The following GALNTL6 variants were observed in gnomAD, a reference collection of about 807,000 sequenced individuals.
GALNTL6 encodes polypeptide N-acetylgalactosaminyltransferase-like 6.
A neutral mutation model predicts 73.7 loss-of-function variants in GALNTL6; 46 were observed. The observed-to-expected ratio is 0.62, with a 90% CI of 0.49 to 0.80. The LOEUF (loss-of-function observed/expected upper bound fraction) is 0.80. Ranked by LOEUF, GALNTL6 falls within the 30% of genes least tolerant of loss-of-function variation. The probability of loss-of-function intolerance (pLI) is 0.00; values close to 1 mark genes in which losing one functional copy is unlikely to be tolerated. For synonymous variants in GALNTL6, 259 were observed against 263.7 expected (o/e 0.98, Z 0.17); for missense variants, 604 against 755.0 (o/e 0.80, Z 2.34).
At chr4:172,442,708 ATAT>A (rs1731876223) in intron 5 of GALNTL6, among the ~76,000 whole-genome samples, 2 of 152,158 alleles carry the variant, frequency 1.3e-5, no homozygotes, top group Non-Finnish European at 2.9e-5. Flanking sequence ...AGTTACCGAT[ATAT>A]TTCAAGGCTT....
chr4:172,565,360 T>C (rs1362522894), intron 5 of GALNTL6, among the ~76,000 whole-genome samples: 1 of 152,240 alleles, frequency 6.6e-6, no homozygotes, highest in Non-Finnish European at 1.5e-5. Flanking sequence ...GATGATCATG[T>C]GATTTTTATC....
Position 171,995,762 on chromosome 4 carries a change from G to C in GALNTL6, c.138+181044G>C, listed in dbSNP as rs145344700. ...TACTTTTATGATAAAAAATAGAACT[G>C]TAACAATAGAAGCTAAATGATTCAT... On this transcript the variant is annotated intron_variant, in intron 2 of 12. Coordinates refer to ENST00000506823, the MANE Select transcript of GALNTL6 (RefSeq NM_001034845.3). 2.1e-4 allele frequency among the ~76,000 whole-genome samples: 32 copies of C among 152,004 alleles called. No individual in the cohort carries two copies. In the East Asian group the frequency reaches 6.0e-3, roughly 28 times the overall value.
At chr4:172,016,208 G>C (rs113784028) in intron 2 of GALNTL6, among the ~76,000 whole-genome samples, 2,189 of 151,782 alleles carry the variant, frequency 0.014, 40 homozygotes, top group African/African-American at 0.049. Context: ...ATTATTCTTA[G>C]GTTTGGCCAC....
chr4:171,855,177 T>C (rs1337063696), intron 2 of GALNTL6, among the ~76,000 whole-genome samples: 1 of 152,238 alleles, frequency 6.6e-6, no homozygotes, highest in Non-Finnish European at 1.5e-5. Context: ...GTAGAATCTA[T>C]GGGTTTTGGA....
intron 2 of GALNTL6, among the ~76,000 whole-genome samples, chr4:172,151,823 G>A (rs1176214625): frequency 6.6e-6 from 1 of 151,772 alleles, no homozygotes; most frequent in African/African-American, 2.4e-5. Context: ...ACACTTCATG[G>A]GGGACGGCTG....
chr4:172,707,362 T>A (rs1449823329), intron 5 of GALNTL6, among the ~76,000 whole-genome samples: 1 of 152,216 alleles, frequency 6.6e-6, no homozygotes, highest in Non-Finnish European at 1.5e-5. Flanking sequence ...GTCAGATAGA[T>A]CTGCCCTATT....
At chr4:172,862,433 A>G (rs62340321) in intron 7 of GALNTL6, among the ~76,000 whole-genome samples, 17,211 of 152,206 alleles carry the variant, frequency 0.11, 1,365 homozygotes, top group East Asian at 0.3. Context: ...CAGCCTGACA[A>G]TGGGATAGAA....
chr4:171,950,000 C>T (rs1738824166), intron 2 of GALNTL6, among the ~76,000 whole-genome samples: 1 of 152,120 alleles, frequency 6.6e-6, no homozygotes, highest in Admixed American at 6.5e-5. Context: ...AAATGCCATC[C>T]AGTAGAACCA....
intron 7 of GALNTL6, among the ~76,000 whole-genome samples, chr4:172,850,272 A>G (rs1438648537): frequency 2.0e-5 from 3 of 152,140 alleles, no homozygotes; most frequent in African/African-American, 4.8e-5. Flanking sequence ...GAAAATAACA[A>G]TTGGCCACAG....
intron 2 of GALNTL6, among the ~76,000 whole-genome samples, chr4:172,180,355 C>T (rs1010611550): frequency 6.6e-6 from 1 of 151,640 alleles, no homozygotes; most frequent in African/African-American, 2.4e-5. Context: ...AGCCCTTTCT[C>T]AGATGGATAG....
intron 5 of GALNTL6, among the ~76,000 whole-genome samples, chr4:172,718,652 A>G (rs1283686803): frequency 1.3e-5 from 2 of 152,194 alleles, no homozygotes; most frequent in South Asian, 2.1e-4. Context: ...AAACAAAAAA[A>G]AAATCATCTG....
intron 2 of GALNTL6, among the ~76,000 whole-genome samples, chr4:171,829,475 ATCACTATT>A (rs1284420152): frequency 6.6e-6 from 1 of 152,104 alleles, no homozygotes; most frequent in Non-Finnish European, 1.5e-5. Context: ...CATCCAATTG[ATCACTATT>A]TCACTGCCAA....
At chr4:172,272,635 C>A (rs997185602) in intron 3 of GALNTL6, among the ~76,000 whole-genome samples, 1 of 152,148 alleles carries the variant, frequency 6.6e-6, no homozygotes. Context: ...GACTGCATTT[C>A]TTTCAGTATG....
chr4:172,157,427 A>G (rs1008016792), intron 2 of GALNTL6, among the ~76,000 whole-genome samples: 4 of 151,976 alleles, frequency 2.6e-5, no homozygotes, highest in Non-Finnish European at 4.4e-5. Flanking sequence ...CTTCCTTTTG[A>G]TTTCCTAAAT....
At chr4:173,021,342 G>A in intron 11 of GALNTL6, 134 bp from the exon 12 acceptor site, 1 of 874,772 alleles carries the variant, frequency 1.1e-6, no homozygotes, top group Non-Finnish European at 1.8e-6. Context: ...CCTCTGTTAG[G>A]CTGAGACTTA....
chr4:172,961,491 G>C (rs189059873), intron 10 of GALNTL6, among the ~76,000 whole-genome samples: 1 of 152,020 alleles, frequency 6.6e-6, no homozygotes, highest in African/African-American at 2.4e-5. Flanking sequence ...GTGGTCAGAC[G>C]CCTCTGAAAT....
intron 5 of GALNTL6, among the ~76,000 whole-genome samples, chr4:172,615,821 A>T (rs923247231): frequency 6.6e-6 from 1 of 152,214 alleles, no homozygotes; most frequent in Non-Finnish European, 1.5e-5. Context: ...AGATACAGTG[A>T]TCTAAAATAA....
chr4:172,600,657 G>A (rs1738021679), intron 5 of GALNTL6, among the ~76,000 whole-genome samples: 2 of 152,106 alleles, frequency 1.3e-5, no homozygotes, highest in African/African-American at 2.4e-5. Flanking sequence ...ATTTCCAAGA[G>A]TATAGAGACA....
chr4:172,934,091 A>G (rs1579674384), intron 9 of GALNTL6, among the ~76,000 whole-genome samples: 1 of 152,352 alleles, frequency 6.6e-6, no homozygotes, highest in Non-Finnish European at 1.5e-5. Context: ...AAGACAGGAT[A>G]TCCATATATG....
Sources: gnomAD v4.1 joint callset for allele counts (sites outside exome capture counted in the v4.1 genomes callset) on GRCh38, gnomAD v4.1.1 for gene constraint, MANE v1.5 for transcripts, NCBI Gene and HGNC (gene_info 2026-07-23, HGNC 2026-07-21) for gene names.